CEP112: variants seen among roughly 807,000 people sequenced by gnomAD.
CEP112 encodes the protein centrosomal protein of 112 kDa.
Under a neutral mutation model 153.0 loss-of-function variants are expected in CEP112, and 127 were observed. The ratio of observed to expected loss-of-function variants is 0.83; its 90% CI spans 0.72 to 0.96. The LOEUF is 0.96. Among genes scored for constraint, CEP112 ranks in the 40% least tolerant of loss-of-function variants. The probability of loss-of-function intolerance (pLI) is 0.00; values close to 1 mark genes in which losing one functional copy is unlikely to be tolerated. For missense variants in CEP112, 1,089 were observed against 1,101.2 expected, an observed-to-expected ratio of 0.99 and a Z score of 0.16; for synonymous variants, 358 against 374.4, an observed-to-expected ratio of 0.96 and a Z score of 0.51.
chr17:66,176,148 G>A (rs1233143186), intron 3 of CEP112, among the ~76,000 whole-genome samples: 1 of 152,152 alleles, frequency 6.6e-6, no homozygotes, highest in South Asian at 2.1e-4. Flanking sequence ...TAAAATACAT[G>A]ACACAAGAAT....
intron 21 of CEP112, among the ~76,000 whole-genome samples, chr17:65,769,091 C>G (rs1164933678): frequency 2.6e-5 from 4 of 151,872 alleles, no homozygotes; most frequent in Non-Finnish European, 5.9e-5. Flanking sequence ...CATAAAGTTG[C>G]AAGATATAAA....
At chr17:65,956,936 G>T (rs1033342828) in intron 18 of CEP112, among the ~76,000 whole-genome samples, 1 of 152,042 alleles carries the variant, frequency 6.6e-6, no homozygotes, top group Non-Finnish European at 1.5e-5. Context: ...ATGCACTATG[G>T]TTTTTGCTAT....
chr17:65,790,637 T>C (rs1191503599), intron 21 of CEP112, among the ~76,000 whole-genome samples: 3 of 152,198 alleles, frequency 2.0e-5, no homozygotes, highest in Non-Finnish European at 4.4e-5. Context: ...TTAGGACCTA[T>C]ATTTTCTAAA....
intron 3 of CEP112, chr17:66,176,572 T>A (rs1304660994): frequency 3.5e-6 from 1 of 286,712 alleles, no homozygotes; most frequent in Non-Finnish European, 6.4e-6. Context: ...AAGCTCAATA[T>A]AAAAAATTTC....
At chr17:66,036,928 C>T (rs903333623) in intron 12 of CEP112, among the ~76,000 whole-genome samples, 1 of 152,108 alleles carries the variant, frequency 6.6e-6, no homozygotes, top group African/African-American at 2.4e-5. Context: ...CTATTATTAT[C>T]AGTCCCAAGA....
chr17:66,164,886 A>ATG (rs57252258), intron 4 of CEP112, among the ~76,000 whole-genome samples: 5,119 of 137,526 alleles, frequency 0.037, 83 homozygotes, highest in African/African-American at 0.057. Flanking sequence ...ACACACATAT[A>ATG]TGTGTGTGTG....
Position 66,168,639 on chromosome 17 carries a change from T to C in CEP112, c.470+6405A>G, listed in dbSNP as rs143081366. Among the ~76,000 whole-genome samples, 284 of 152,176 alleles carry C rather than the reference T, an allele frequency of 1.9e-3. 1 individual carries two copies. The highest frequency in any genetic ancestry group is 3.0e-3 in the Non-Finnish European group (205 of 68,008). On this transcript the variant is annotated intron_variant, in intron 4 of 26. Transcript: ENST00000535342. The stretch of plus-strand genomic sequence containing the variant: ...CAATTTCTCACCTAGGAGTCCATAA[T>C]AGCCCAAAACAGATGCAGGCATATA...
In CEP112 at chr17:65,664,811, A is replaced by G. The variant is rs145138177; in HGVS notation, c.2698-23746T>C. Among the ~76,000 whole-genome samples the G allele has an allele frequency of 1.8e-3, 269 of 152,274 alleles. 2 individuals are homozygous for G. Among genetic ancestry groups the G allele is most frequent in the African/African-American group, 3.2e-3 (132 of 41,564 alleles). ...CTTGTCTTAGTCAGCTCAGGCTGCT[A>G]TAACAAAACACTGTGGATTGGGTGG... is the stretch of plus-strand genomic sequence containing the variant. On this transcript the variant is annotated intron_variant, in intron 24 of 26. Transcript: ENST00000535342.
intron 21 of CEP112, among the ~76,000 whole-genome samples, chr17:65,820,181 G>A (rs2056458888): frequency 6.6e-6 from 1 of 151,940 alleles, no homozygotes; most frequent in African/African-American, 2.4e-5. Flanking sequence ...ACATTCTTCC[G>A]ATTTTTCCTA....
intron 8 of CEP112, among the ~76,000 whole-genome samples, chr17:66,085,992 A>G (rs2067912117): frequency 6.6e-6 from 1 of 151,728 alleles, no homozygotes; most frequent in Non-Finnish European, 1.5e-5. Flanking sequence ...AAAAAAAAAA[A>G]AAAAAGCAAT....
At chr17:66,029,294 AC>A in intron 13 of CEP112, 42 bp from the exon 14 acceptor site, 1 of 1,554,126 alleles carries the variant, frequency 6.4e-7, no homozygotes, top group African/African-American at 1.4e-5. Flanking sequence ...TGTATTTAAA[AC>A]CAATCTCTAA....
At chr17:66,184,366 T>C (rs1252348468) in intron 1 of CEP112, among the ~76,000 whole-genome samples, 2 of 152,092 alleles carry the variant, frequency 1.3e-5, no homozygotes, top group African/African-American at 4.8e-5. Flanking sequence ...AACAAAATAT[T>C]TGCAAATCAT....
chr17:65,862,039 G>A (rs1385710077), intron 20 of CEP112, among the ~76,000 whole-genome samples: 2 of 152,144 alleles, frequency 1.3e-5, no homozygotes, highest in Admixed American at 6.6e-5. Flanking sequence ...ACAACACAAT[G>A]GGTGAATCTT....
chr17:65,796,869 C>CAAAA (rs1220753944), intron 21 of CEP112, among the ~76,000 whole-genome samples: 6 of 40,368 alleles, frequency 1.5e-4, no homozygotes, highest in African/African-American at 3.4e-4. Flanking sequence ...CCCATCTCTA[C>CAAAA]AAAAAAAAAA....
chr17:65,686,868 T>C (rs2144334918), intron 24 of CEP112, among the ~76,000 whole-genome samples: 1 of 151,964 alleles, frequency 6.6e-6, no homozygotes, highest in South Asian at 2.1e-4. Context: ...TATCCAGTTT[T>C]TTTTTTATTT....
At chr17:65,786,393 G>T (rs1432653473) in intron 21 of CEP112, among the ~76,000 whole-genome samples, 3 of 151,378 alleles carry the variant, frequency 2.0e-5, no homozygotes, top group Non-Finnish European at 4.4e-5. Context: ...CTTTCCGATC[G>T]GGATGACTTT....
intron 22 of CEP112, among the ~76,000 whole-genome samples, chr17:65,749,416 G>A (rs1429417377): frequency 6.6e-6 from 1 of 152,056 alleles, no homozygotes; most frequent in Admixed American, 6.6e-5. Flanking sequence ...GCTGAGGCAG[G>A]AGAATGGCGT....
intron 8 of CEP112, among the ~76,000 whole-genome samples, chr17:66,084,683 A>AG (rs1358409569): frequency 3.3e-5 from 5 of 151,824 alleles, no homozygotes; most frequent in Admixed American, 6.6e-5. Context: ...GTGGGAAGGC[A>AG]GGGGGGGAGT....
At chr17:65,769,132 C>T (rs1194441242) in intron 21 of CEP112, among the ~76,000 whole-genome samples, 2 of 151,876 alleles carry the variant, frequency 1.3e-5, no homozygotes, top group African/African-American at 4.8e-5. Flanking sequence ...CATTTCTATA[C>T]ACAACAATGT....
Sources: allele counts gnomAD v4.1 joint callset (sites outside exome capture counted in the v4.1 genomes callset), GRCh38; gene constraint gnomAD v4.1.1; transcripts MANE v1.5; gene names NCBI Gene and HGNC (gene_info 2026-07-23, HGNC 2026-07-21).